The following SYNE2 variants were observed in gnomAD, a reference collection of about 807,000 sequenced individuals.
The protein encoded by SYNE2 is spectrin repeat containing nuclear envelope protein 2.
Under a neutral mutation model 856.3 loss-of-function variants are expected in SYNE2, and 431 were observed. The observed-to-expected ratio is 0.50, with a 90% CI of 0.47 to 0.55. The LOEUF (loss-of-function observed/expected upper bound fraction) is 0.55, where lower values mean the gene tolerates loss of function less well. Ranked by LOEUF, SYNE2 falls within the 20% of genes least tolerant of loss-of-function variation. The pLI is 0.00. For missense variants in SYNE2, 8,129 were observed against 8,023.2 expected, an observed-to-expected ratio of 1.01 and a Z score of -0.50; for synonymous variants, 2,923 against 2,872.3, an observed-to-expected ratio of 1.02 and a Z score of -0.56.
chr14:63,808,918 G>T (rs1484258336), intron 1 of SYNE2, among the ~76,000 whole-genome samples: 1 of 152,258 alleles, frequency 6.6e-6, no homozygotes, highest in East Asian at 1.9e-4. Context: ...AGCTTCTCGG[G>T]AGGCTGAGGC....
intron 90 of SYNE2, among the ~76,000 whole-genome samples, chr14:64,165,994 G>A (rs2098375973): frequency 6.6e-6 from 1 of 152,088 alleles, no homozygotes; most frequent in Non-Finnish European, 1.5e-5. Flanking sequence ...TGGCTGTTGT[G>A]ATTAATTGAA....
Position 63,927,509 on chromosome 14 carries a change from G to A in SYNE2, c.80-13105G>A, listed in dbSNP as rs117971733. On this transcript the variant is annotated intron_variant, in intron 2 of 115. Coordinates refer to ENST00000555002, the MANE Select transcript of SYNE2 (RefSeq NM_182914.3). ...GTGCAGCTTCCCCCATACTATTCTCGTGATAATGAATAAGTCTCATGAGAT... is the reference window on the plus strand; with the variant it reads ...GTGCAGCTTCCCCCATACTATTCTCATGATAATGAATAAGTCTCATGAGAT... Among the ~76,000 whole-genome samples, 154 of 152,282 alleles carry A rather than the reference G, an allele frequency of 1.0e-3. 2 individuals are homozygous for A. The East Asian group carries it at 0.014, about 14-fold the overall frequency.
chr14:64,048,754 C>A (rs114584503), intron 46 of SYNE2: 10,660 of 151,510 alleles, frequency 0.07, 615 homozygotes, highest in African/African-American at 0.15. Flanking sequence ...CCAAAAAATA[C>A]AAAAATTATT....
At chr14:63,942,172 T>G (rs2095927480) in intron 6 of SYNE2, 29 bp downstream of exon 6, 1 of 1,320,298 alleles carries the variant, frequency 7.6e-7, no homozygotes, top group East Asian at 2.3e-5. Flanking sequence ...TAAAAATTAT[T>G]TCTACCCTAC....
At chr14:64,161,297 T>C (rs1036217619) in intron 87 of SYNE2, among the ~76,000 whole-genome samples, 1 of 151,324 alleles carries the variant, frequency 6.6e-6, no homozygotes, top group African/African-American at 2.4e-5. Context: ...TGAGCTGAGA[T>C]TGCACCACTG....
At chr14:63,813,311 A>T (rs1402380416) in intron 1 of SYNE2, among the ~76,000 whole-genome samples, 2 of 152,232 alleles carry the variant, frequency 1.3e-5, no homozygotes, top group South Asian at 2.1e-4. Context: ...ATCGTGTTTC[A>T]GTAGAAAACT....
Position 64,080,437 on chromosome 14 carries a change from T to G in SYNE2, c.11164-19T>G, listed in dbSNP as rs763374440. On this transcript the variant is annotated intron_variant, in intron 55 of 115. Transcript: ENST00000555002. ...CTATGACCTCTTCATTCAAGTTGAC[T>G]TACGATTTCCTTCTCCAGAAAATGT... The G allele has an allele frequency of 5.0e-6, 8 of 1,613,822 alleles. No homozygotes were observed. In the African/African-American group the frequency reaches 9.3e-5, roughly 19 times the overall value.
intron 1 of SYNE2, among the ~76,000 whole-genome samples, chr14:63,789,671 T>G (rs1333198788): frequency 6.6e-6 from 1 of 151,668 alleles, no homozygotes; most frequent in South Asian, 2.1e-4. Flanking sequence ...CCAGCTACTC[T>G]GGAGGCCAAG....
rs1385145371 is a variant in SYNE2 at position 64,100,013 on chromosome 14, A to G, written c.12381+1192A>G. The G allele has an allele frequency of 2.0e-5, 3 of 152,096 alleles. No homozygotes were observed. The East Asian group carries it at 5.8e-4, about 29-fold the overall frequency. The allele number at this position is 152,096 out of a possible 1,614,324, so 9.4% of individuals were successfully genotyped here. On this transcript the variant is annotated intron_variant, in intron 63 of 115. Coordinates refer to ENST00000555002, the MANE Select transcript of SYNE2 (RefSeq NM_182914.3). Reference sequence around the variant, plus strand: ...CCAAAGGACTATAAATCATGCTGCTATAAAGACACATGCACACATATGTTT... The same window carrying G: ...CCAAAGGACTATAAATCATGCTGCTGTAAAGACACATGCACACATATGTTT...
At chr14:63,948,823 T>C (rs2096097519) in intron 6 of SYNE2, among the ~76,000 whole-genome samples, 2 of 135,302 alleles carry the variant, frequency 1.5e-5, no homozygotes, top group Admixed American at 7.6e-5. Context: ...TATATATATA[T>C]GTAGCTTAAT....
At chr14:63,800,454 C>G (rs1888088672) in intron 1 of SYNE2, among the ~76,000 whole-genome samples, 1 of 152,040 alleles carries the variant, frequency 6.6e-6, no homozygotes, top group Non-Finnish European at 1.5e-5. Flanking sequence ...GGGTTTCTCT[C>G]TAATTTTGTA....
chr14:63,922,204 C>T (rs566901088), intron 2 of SYNE2, among the ~76,000 whole-genome samples: 27 of 152,234 alleles, frequency 1.8e-4, no homozygotes, highest in African/African-American at 6.5e-4. Context: ...AGGGTCTCAC[C>T]TGGTTGCCCA....
chr14:64,042,713 T>A (rs770619955), intron 45 of SYNE2, among the ~76,000 whole-genome samples: 2 of 152,170 alleles, frequency 1.3e-5, no homozygotes, highest in Non-Finnish European at 1.5e-5. Flanking sequence ...TACACCATGA[T>A]TGTGAGGCTT....
chr14:64,190,937 T>C (rs1485171208), intron 99 of SYNE2: 2 of 701,914 alleles, frequency 2.8e-6, no homozygotes, highest in African/African-American at 1.7e-5. Context: ...GTGGATGTTT[T>C]TTCAGTGGCC....
At chr14:64,020,258 C>T (rs946224414) in intron 35 of SYNE2, among the ~76,000 whole-genome samples, 165 bp downstream of exon 35, 4 of 152,146 alleles carry the variant, frequency 2.6e-5, no homozygotes, top group Non-Finnish European at 4.4e-5. Context: ...CTTTTGGCTT[C>T]CCTGGGCCAT....
intron 1 of SYNE2, among the ~76,000 whole-genome samples, chr14:63,770,758 C>A (rs536593655): frequency 6.6e-6 from 1 of 152,086 alleles, no homozygotes; most frequent in Non-Finnish European, 1.5e-5. Context: ...CCACTGCACT[C>A]CAGCCTGGGT....
At chr14:63,998,647 C>T (rs977575756) in intron 26 of SYNE2, among the ~76,000 whole-genome samples, 28 of 152,184 alleles carry the variant, frequency 1.8e-4, no homozygotes, top group Middle Eastern at 3.4e-3. Context: ...CTGCAGCCTC[C>T]GCCTCCCAGG....
At chr14:63,974,128 T>C (rs192597188) in intron 11 of SYNE2, among the ~76,000 whole-genome samples, 49 of 152,282 alleles carry the variant, frequency 3.2e-4, no homozygotes, top group Non-Finnish European at 4.4e-5. Flanking sequence ...AGAATTAGAC[T>C]GGGTAACAGA....
chr14:64,187,376 C>A (rs2098497229), intron 97 of SYNE2, among the ~76,000 whole-genome samples: 1 of 152,092 alleles, frequency 6.6e-6, no homozygotes. Flanking sequence ...TAGAACTTTT[C>A]AATTTTTATA....
Sources: allele counts gnomAD v4.1 joint callset (sites outside exome capture counted in the v4.1 genomes callset), GRCh38; gene constraint gnomAD v4.1.1; transcripts MANE v1.5; gene names NCBI Gene and HGNC (gene_info 2026-07-23, HGNC 2026-07-21).